HPSE2: variants seen among roughly 807,000 people sequenced by gnomAD.
HPSE2 encodes heparanase 2 (inactive), also known as inactive heparanase-2.
Under a neutral mutation model 60.5 loss-of-function variants are expected in HPSE2, and 38 were observed. That is an observed-to-expected ratio of 0.63 (90% CI 0.48 to 0.82). The LOEUF (loss-of-function observed/expected upper bound fraction) is 0.82, where lower values mean the gene tolerates loss of function less well. Among genes scored for constraint, HPSE2 ranks in the 40% least tolerant of loss-of-function variants. HPSE2 has a pLI of 0.00. For missense variants in HPSE2, 713 were observed against 740.4 expected (o/e 0.96, Z 0.43); for synonymous variants, 295 against 293.2 (o/e 1.01, Z -0.06).
intron 3 of HPSE2, among the ~76,000 whole-genome samples, chr10:99,053,963 C>T (rs4919272): frequency 0.76 from 114,458 of 151,004 alleles, 46,124 homozygotes; most frequent in South Asian, 0.92. Context: ...CTCGAACTCC[C>T]GAGCTCAGGC....
intron 3 of HPSE2, among the ~76,000 whole-genome samples, chr10:98,771,780 CTGCT>C (rs1391152842): frequency 6.6e-6 from 1 of 152,062 alleles, no homozygotes; most frequent in African/African-American, 2.4e-5. Context: ...GGCAAACTCC[CTGCT>C]AGGGTGACTT....
At chr10:98,749,243 AC>A (rs1169070446) in intron 3 of HPSE2, among the ~76,000 whole-genome samples, 1 of 152,118 alleles carries the variant, frequency 6.6e-6, no homozygotes, top group Non-Finnish European at 1.5e-5. Flanking sequence ...AAGCAATCCA[AC>A]AAACAAAAAA....
At chr10:99,241,220 G>A in the HPSE2 span, among the ~76,000 whole-genome samples, 1 of 152,238 alleles carries the variant, frequency 6.6e-6, no homozygotes, top group African/African-American at 2.4e-5. Flanking sequence ...CTAAAGTATT[G>A]TATAACCCTC....
intron 3 of HPSE2, among the ~76,000 whole-genome samples, chr10:99,133,143 G>A (rs1039278990): frequency 1.3e-4 from 20 of 152,330 alleles, no homozygotes; most frequent in Middle Eastern, 3.4e-3. Context: ...CAAACTGGGC[G>A]GAGCCCACTG....
intron 9 of HPSE2, among the ~76,000 whole-genome samples, chr10:98,537,578 T>C (rs1222871778): frequency 6.6e-6 from 1 of 152,234 alleles, no homozygotes; most frequent in East Asian, 1.9e-4. Flanking sequence ...GGTCAGGTGC[T>C]GAAGGGGCAT....
the HPSE2 span, among the ~76,000 whole-genome samples, chr10:99,302,013 A>C: frequency 6.6e-6 from 1 of 152,000 alleles, no homozygotes; most frequent in African/African-American, 2.4e-5. Context: ...CTACTCTAGC[A>C]GGCCTGACCT....
At chr10:99,180,596 A>AGAAACTG (rs1847720432) in intron 2 of HPSE2, among the ~76,000 whole-genome samples, 1 of 152,082 alleles carries the variant, frequency 6.6e-6, no homozygotes, top group African/African-American at 2.4e-5. Context: ...TAAAAAGTCA[A>AGAAACTG]GAAACTGGCT....
At chr10:99,094,775 T>C (rs1463538137) in intron 3 of HPSE2, among the ~76,000 whole-genome samples, 1 of 151,472 alleles carries the variant, frequency 6.6e-6, no homozygotes, top group Non-Finnish European at 1.5e-5. Flanking sequence ...CAGGCTAGTC[T>C]CAAACTACTA....
intron 9 of HPSE2, among the ~76,000 whole-genome samples, chr10:98,497,409 T>C (rs552374971): frequency 1.3e-5 from 2 of 152,308 alleles, no homozygotes; most frequent in African/African-American, 4.8e-5. Flanking sequence ...ATGTGGGATA[T>C]TCATGATATA....
chr10:98,538,574 G>A (rs1302511100), intron 9 of HPSE2, among the ~76,000 whole-genome samples: 1 of 151,966 alleles, frequency 6.6e-6, no homozygotes, highest in Non-Finnish European at 1.5e-5. Context: ...CTGTACACTG[G>A]AATCATCTGG....
chr10:98,513,563 C>A (rs373745275), intron 9 of HPSE2, among the ~76,000 whole-genome samples: 1 of 152,054 alleles, frequency 6.6e-6, no homozygotes. Flanking sequence ...AACTTGCACA[C>A]AAAATTACAA....
At chr10:98,535,346 T>C (rs950098215) in intron 9 of HPSE2, among the ~76,000 whole-genome samples, 3 of 152,214 alleles carry the variant, frequency 2.0e-5, no homozygotes, top group South Asian at 4.1e-4. Context: ...ATTCTCTTCC[T>C]ACCAATTCCT....
chr10:98,816,987 A>G (rs1013223267), intron 3 of HPSE2, among the ~76,000 whole-genome samples: 1 of 152,104 alleles, frequency 6.6e-6, no homozygotes, highest in African/African-American at 2.4e-5. Flanking sequence ...CCTACAACAA[A>G]GAGCCCCTTG....
intron 3 of HPSE2, among the ~76,000 whole-genome samples, chr10:99,125,059 C>T (rs1008919163): frequency 2.4e-4 from 36 of 152,226 alleles, no homozygotes; most frequent in African/African-American, 8.2e-4. Context: ...AAGCACTCAG[C>T]AAATGCTGTT....
chr10:98,688,477 C>T (rs12219030), intron 6 of HPSE2, among the ~76,000 whole-genome samples: 25,058 of 77,868 alleles, frequency 0.32, 3,024 homozygotes, highest in Non-Finnish European at 0.36. Flanking sequence ...TTTTTTTTTT[C>T]TTTTTTTTTT....
chr10:98,701,742 C>G (rs1473571241), intron 5 of HPSE2, among the ~76,000 whole-genome samples: 1 of 152,026 alleles, frequency 6.6e-6, no homozygotes, highest in Non-Finnish European at 1.5e-5. Flanking sequence ...AAAATCATTT[C>G]CAGACAAGCA....
At chr10:98,981,922 G>T (rs1454037981) in intron 3 of HPSE2, among the ~76,000 whole-genome samples, 1 of 152,024 alleles carries the variant, frequency 6.6e-6, no homozygotes, top group East Asian at 1.9e-4. Context: ...TTGGAACAAT[G>T]CAATACCCTC....
intron 3 of HPSE2, among the ~76,000 whole-genome samples, chr10:98,869,501 T>C (rs1404923405): frequency 6.6e-6 from 1 of 152,160 alleles, no homozygotes; most frequent in Non-Finnish European, 1.5e-5. Context: ...CTTTATGTTA[T>C]GGCCTCATAT....
chr10:98,938,321 A>G (rs1480057039), intron 3 of HPSE2, among the ~76,000 whole-genome samples: 2 of 144,104 alleles, frequency 1.4e-5, no homozygotes, highest in Non-Finnish European at 3.0e-5. Flanking sequence ...AACCAAAGGC[A>G]AAGAAGTTAA....
Sources: allele counts gnomAD v4.1 joint callset (sites outside exome capture counted in the v4.1 genomes callset), GRCh38; gene constraint gnomAD v4.1.1; transcripts MANE v1.5; gene names NCBI Gene and HGNC (gene_info 2026-07-23, HGNC 2026-07-21).